Variants in LUZP2 observed in about 807,000 individuals in gnomAD.
LUZP2 encodes the protein leucine zipper protein 2.
Under a neutral mutation model 51.6 loss-of-function variants are expected in LUZP2, and 52 were observed. The ratio of observed to expected loss-of-function variants is 1.01; its 90% CI spans 0.81 to 1.27. LUZP2 has a LOEUF of 1.27. Among genes scored for constraint, LUZP2 ranks in the 50% most tolerant of loss-of-function variants. The probability of loss-of-function intolerance (pLI) is 0.00; values close to 1 mark genes in which losing one functional copy is unlikely to be tolerated. For synonymous variants in LUZP2, 154 were observed against 137.3 expected (o/e 1.12, Z -0.85); for missense variants, 436 against 395.4 (o/e 1.10, Z -0.87).
chr11:24,569,879 A>ATTACT (rs148386501), intron 1 of LUZP2, among the ~76,000 whole-genome samples: 2 of 151,486 alleles, frequency 1.3e-5, no homozygotes, highest in African/African-American at 4.9e-5. Flanking sequence ...TTTATAAGTA[A>ATTACT]TTATGGCTTT....
intron 1 of LUZP2, among the ~76,000 whole-genome samples, chr11:24,600,470 AG>A (rs1853591483): frequency 6.6e-6 from 1 of 152,108 alleles, no homozygotes. Context: ...AAACTAACAG[AG>A]GGGGAATGGA....
In LUZP2 at chr11:24,978,146, A is replaced by G. The variant is rs577460277; in HGVS notation, c.597+1481A>G. Among the ~76,000 whole-genome samples the G allele has an allele frequency of 1.5e-3, 232 of 151,730 alleles. 1 individual carries two copies. The highest frequency in any genetic ancestry group is 2.8e-3 in the Non-Finnish European group (188 of 67,746). On this transcript the variant is annotated intron_variant, in intron 8 of 11. Coordinates refer to ENST00000336930, the MANE Select transcript of LUZP2 (RefSeq NM_001009909.4). ...TAAAATAGAGGGGAGCTTGCCCCCT[A>G]TTTTGTGAATTAGATCAAGTATAAT...
intron 7 of LUZP2, among the ~76,000 whole-genome samples, chr11:24,966,930 C>T (rs1228941496): frequency 1.3e-5 from 2 of 148,284 alleles, no homozygotes; most frequent in Non-Finnish European, 3.0e-5. Context: ...GATAAAATCT[C>T]CAATTGCTTT....
At chr11:24,699,707 A>G (rs1421827997) in intron 1 of LUZP2, among the ~76,000 whole-genome samples, 3 of 149,522 alleles carry the variant, frequency 2.0e-5, no homozygotes, top group Non-Finnish European at 4.4e-5. Flanking sequence ...ACACACGCAC[A>G]CATCATAATA....
intron 1 of LUZP2, among the ~76,000 whole-genome samples, chr11:24,666,859 C>A (rs949652280): frequency 6.6e-6 from 1 of 152,162 alleles, no homozygotes; most frequent in South Asian, 2.1e-4. Context: ...CAGGATCTTG[C>A]TGAAAAATCT....
chr11:25,029,103 G>A (rs1857576218), intron 9 of LUZP2, among the ~76,000 whole-genome samples: 1 of 152,088 alleles, frequency 6.6e-6, no homozygotes, highest in South Asian at 2.1e-4. Flanking sequence ...GGGACCTGGT[G>A]GGTAGGAGGA....
chr11:24,677,914 G>T (rs1195981665), intron 1 of LUZP2, among the ~76,000 whole-genome samples: 1 of 152,024 alleles, frequency 6.6e-6, no homozygotes, highest in Non-Finnish European at 1.5e-5. Context: ...GCGGGCGCCT[G>T]TAGTCCCAGC....
intron 1 of LUZP2, among the ~76,000 whole-genome samples, chr11:24,703,021 C>T (rs914543575): frequency 2.0e-5 from 3 of 151,994 alleles, no homozygotes; most frequent in African/African-American, 7.3e-5. Flanking sequence ...GGCAAGGAGG[C>T]AAGTTAAGAC....
At chr11:24,916,634 T>G (rs147251782) in intron 7 of LUZP2, among the ~76,000 whole-genome samples, 1 of 152,252 alleles carries the variant, frequency 6.6e-6, no homozygotes, top group Admixed American at 6.5e-5. Context: ...AGTTTCCAGC[T>G]TCATCCATGT....
At chr11:24,680,323 G>A (rs1189647661) in intron 1 of LUZP2, among the ~76,000 whole-genome samples, 1 of 152,100 alleles carries the variant, frequency 6.6e-6, no homozygotes, top group African/African-American at 2.4e-5. Flanking sequence ...TTGCTTAGAT[G>A]GCAAACATGT....
At chr11:24,615,061 A>T (rs1351310412) in intron 1 of LUZP2, among the ~76,000 whole-genome samples, 1 of 152,024 alleles carries the variant, frequency 6.6e-6, no homozygotes, top group Non-Finnish European at 1.5e-5. Context: ...TATTAATTTT[A>T]AAACATATTT....
intron 7 of LUZP2, among the ~76,000 whole-genome samples, chr11:24,917,467 G>A (rs1361614132): frequency 6.6e-6 from 1 of 152,016 alleles, no homozygotes; most frequent in Admixed American, 6.6e-5. Context: ...TATGGTTTTA[G>A]GTCTAACATG....
chr11:24,594,584 T>C (rs1853369915), intron 1 of LUZP2, among the ~76,000 whole-genome samples: 1 of 152,110 alleles, frequency 6.6e-6, no homozygotes, highest in South Asian at 2.1e-4. Flanking sequence ...TTTTTCCAAA[T>C]GAACTGTAAT....
intron 5 of LUZP2, among the ~76,000 whole-genome samples, chr11:24,814,269 T>A (rs1850107159): frequency 6.6e-6 from 1 of 152,106 alleles, no homozygotes; most frequent in African/African-American, 2.4e-5. Context: ...CTGTGAAAAA[T>A]TATTTCTTCA....
intron 5 of LUZP2, 124 bp from the exon 6 acceptor site, chr11:24,905,867 A>G (rs986168226): frequency 1.9e-5 from 11 of 592,380 alleles, no homozygotes; most frequent in Non-Finnish European, 3.3e-5. Flanking sequence ...ACACCAATCC[A>G]TTACATTTTA....
At chr11:24,532,426 G>GAA (rs1202155711) in intron 1 of LUZP2, among the ~76,000 whole-genome samples, 1 of 150,910 alleles carries the variant, frequency 6.6e-6, no homozygotes, top group Non-Finnish European at 1.5e-5. Flanking sequence ...ACAGCTCTTA[G>GAA]GTTTTCATCA....
At chr11:24,874,417 C>G (rs553729463) in intron 5 of LUZP2, among the ~76,000 whole-genome samples, 1 of 152,208 alleles carries the variant, frequency 6.6e-6, no homozygotes, top group East Asian at 1.9e-4. Flanking sequence ...ATGGACCTCA[C>G]AGGCAACAGT....
At chr11:24,900,016 A>G (rs1565079226) in intron 5 of LUZP2, among the ~76,000 whole-genome samples, 1 of 152,128 alleles carries the variant, frequency 6.6e-6, no homozygotes, top group Non-Finnish European at 1.5e-5. Flanking sequence ...GAACTTCACC[A>G]TCTTTGCCAA....
At chr11:24,681,523 G>A (rs1407646213) in intron 1 of LUZP2, among the ~76,000 whole-genome samples, 1 of 152,102 alleles carries the variant, frequency 6.6e-6, no homozygotes, top group African/African-American at 2.4e-5. Flanking sequence ...AGGAGACAGT[G>A]GTAGGAACGA....
Sources: gnomAD v4.1 joint callset for allele counts (sites outside exome capture counted in the v4.1 genomes callset) on GRCh38, gnomAD v4.1.1 for gene constraint, MANE v1.5 for transcripts, NCBI Gene and HGNC (gene_info 2026-07-23, HGNC 2026-07-21) for gene names.